DIP2C: variants seen among roughly 807,000 people sequenced by gnomAD.
The protein encoded by DIP2C is disco-interacting protein 2 homolog C.
DIP2C carries 33 observed loss-of-function variants against 192.4 expected under a neutral mutation model. The ratio of observed to expected loss-of-function variants is 0.17; its 90% CI spans 0.13 to 0.23. The LOEUF is 0.23. DIP2C is among the 10% of genes least tolerant of loss of function. The pLI is 1.00. For synonymous variants in DIP2C, 979 were observed against 864.1 expected (o/e 1.13, Z -2.33); for missense variants, 1,537 against 2,110.1 (o/e 0.73, Z 5.32).
intron 1 of DIP2C, among the ~76,000 whole-genome samples, chr10:647,316 G>A (rs540559528): frequency 1.1e-4 from 16 of 151,002 alleles, no homozygotes; most frequent in African/African-American, 3.2e-4. Context: ...ATTGGACGGC[G>A]GGAGAGAACA....
chr10:355,706 A>G (rs1175676758), intron 24 of DIP2C, among the ~76,000 whole-genome samples: 1 of 152,236 alleles, frequency 6.6e-6, no homozygotes, highest in East Asian at 1.9e-4. Context: ...TGTAAAGTGT[A>G]AACAGGAAAT....
intron 1 of DIP2C, among the ~76,000 whole-genome samples, chr10:618,142 G>A (rs752842068): frequency 3.9e-5 from 6 of 152,228 alleles, no homozygotes; most frequent in Middle Eastern, 3.2e-3. Context: ...ATCTTCAACA[G>A]TTTGATTCAA....
chr10:474,135 G>A (rs1057314416), intron 2 of DIP2C, among the ~76,000 whole-genome samples: 8 of 152,086 alleles, frequency 5.3e-5, no homozygotes, highest in African/African-American at 1.9e-4. Flanking sequence ...TGCATTTTAG[G>A]AAATCAAAGA....
At chr10:515,449 G>A (rs1176412785) in intron 1 of DIP2C, among the ~76,000 whole-genome samples, 3 of 152,184 alleles carry the variant, frequency 2.0e-5, no homozygotes, top group Non-Finnish European at 2.9e-5. Context: ...CGGGCCGGGT[G>A]CAGTGGCTCA....
rs1279058590 is a variant in DIP2C, at chr10:689,425, C to T, written c.85+69G>A. The T allele has an allele frequency of 6.4e-6, 6 of 944,508 alleles. No individual in the cohort carries two copies. The highest frequency in any genetic ancestry group is 7.6e-6 in the Non-Finnish European group (6 of 785,272). The allele number at this position is 944,508 out of a possible 1,614,324, so 58.5% of individuals were successfully genotyped here. On this transcript the variant is annotated intron_variant, in intron 1 of 36. Transcript: ENST00000280886. This position sits in a 1 kb window ranked among gnomAD's most constrained non-coding sequence, Gnocchi z 6.1. ...CCCCCGCCCCGCCGCAGGCCCCGCG[C>T]CCCCAGCCCTCCGCGCGCGGCCCTC... is the stretch of plus-strand genomic sequence containing the variant.
intron 1 of DIP2C, among the ~76,000 whole-genome samples, chr10:546,050 G>A (rs955371903): frequency 6.6e-6 from 1 of 152,160 alleles, no homozygotes; most frequent in South Asian, 2.1e-4. Context: ...GGGAGGCCAA[G>A]GCAGATGGGT....
chr10:640,105 C>G (rs1285697501), intron 1 of DIP2C, among the ~76,000 whole-genome samples: 7 of 152,148 alleles, frequency 4.6e-5, no homozygotes, highest in Non-Finnish European at 7.3e-5. Context: ...ATCTCCCATA[C>G]CCGCCACGCC....
chr10:290,559 G>C (rs1955439442), intron 32 of DIP2C, among the ~76,000 whole-genome samples: 1 of 152,236 alleles, frequency 6.6e-6, no homozygotes, highest in Non-Finnish European at 1.5e-5. Flanking sequence ...GTGCCAGGAG[G>C]CCCGCAGATG....
intron 24 of DIP2C, among the ~76,000 whole-genome samples, chr10:354,337 C>A (rs1958971361): frequency 6.6e-6 from 1 of 152,168 alleles, no homozygotes; most frequent in Admixed American, 6.5e-5. Flanking sequence ...ATGCAGGTGA[C>A]CACAGGTGTT....
rs1170126233 is a variant in DIP2C, at chr10:487,575, T to TG, written c.86-1046_86-1045insC. ...TCCGCCCATCAATGAGTGTTTTTTT[T>TG]TTTTTTTTTTTTTTTTTTTTTTGAG... is the stretch of plus-strand genomic sequence containing the variant. On this transcript the variant is annotated intron_variant, in intron 1 of 36. Transcript: ENST00000280886. 1.1e-4 allele frequency among the ~76,000 whole-genome samples: 14 copies of TG among 124,376 alleles called. 1 individual carries two copies. The East Asian group carries it at 3.1e-3, about 27-fold the overall frequency. 81.6% of individuals were successfully genotyped at this position (124,376 alleles called of 152,430 possible).
At position 662,462 on chromosome 10, in the gene DIP2C, T is replaced by A. The variant is rs191771759; in HGVS notation, c.85+27032A>T. The stretch of plus-strand genomic sequence containing the variant: ...TATTGGCGCACAGGCAGGCACAGGC[T>A]GCACCCCCACAGCTGGGCCCCGCGA... On this transcript the variant is annotated intron_variant, in intron 1 of 36. Transcript: ENST00000280886. Among the ~76,000 whole-genome samples, 5 of 152,352 alleles carry A rather than the reference T, an allele frequency of 3.3e-5. No individual in the cohort carries two copies. The East Asian group carries it at 9.6e-4, about 29-fold the overall frequency.
chr10:569,327 C>G (rs1257098533), intron 1 of DIP2C, among the ~76,000 whole-genome samples: 2 of 152,138 alleles, frequency 1.3e-5, no homozygotes, highest in African/African-American at 2.4e-5. Flanking sequence ...TTGAACAACC[C>G]TCAATGGAGA....
At chr10:554,711 C>T (rs1024899914) in intron 1 of DIP2C, among the ~76,000 whole-genome samples, 2 of 152,216 alleles carry the variant, frequency 1.3e-5, no homozygotes, top group Non-Finnish European at 2.9e-5. Flanking sequence ...CGCACAGATT[C>T]TGCACCCCAT....
intron 31 of DIP2C, among the ~76,000 whole-genome samples, chr10:318,767 C>T (rs11251692): frequency 0.14 from 20,810 of 152,198 alleles, 1,519 homozygotes; most frequent in East Asian, 0.2. Flanking sequence ...AAATCCCCAA[C>T]AGCACCTTAT....
chr10:281,479 G>A (rs566824084), intron 35 of DIP2C, among the ~76,000 whole-genome samples, 156 bp from the exon 36 acceptor site: 333 of 152,350 alleles, frequency 2.2e-3, no homozygotes, highest in African/African-American at 7.2e-3. Flanking sequence ...CTTCTGCCAC[G>A]GAGCTCCTTG....
In DIP2C at chr10:276,334, C is replaced by A. The variant is rs7916867; in HGVS notation, c.*991G>T. On this transcript the variant is annotated 3_prime_UTR_variant, in exon 37 of 37. Transcript: ENST00000280886. ...CTAGAAGAAACTTTTAGACAGGGCT[C>A]CTGCGGTCTGCGACTGCTGGCAACA... 0.019 allele frequency: 2,826 copies of A among 152,722 alleles called. 25 individuals carry two copies. The highest frequency in any genetic ancestry group is 0.027 in the Non-Finnish European group (1,848 of 68,026). 9.5% of individuals were successfully genotyped at this position (152,722 alleles called of 1,614,324 possible). A position where few individuals can be genotyped will look rare whatever the true frequency, so the allele number is the denominator to read the frequency against.
Position 348,571 on chromosome 10 carries a change from A to T in DIP2C, c.3231+70T>A. ...CAGCAGCTGCCCCAAGAGATGTCAG[A>T]GTCTGCGCGTTGCAAGCTCCACACT... On this transcript the variant is annotated intron_variant, in intron 26 of 36. Coordinates refer to ENST00000280886, the MANE Select transcript of DIP2C (RefSeq NM_014974.3). The T allele has an allele frequency of 2.5e-6, 4 of 1,568,892 alleles. No homozygotes were observed. In the South Asian group the frequency reaches 4.9e-5, roughly 19 times the overall value.
chr10:428,645 T>C (rs1966748319), intron 4 of DIP2C, among the ~76,000 whole-genome samples: 1 of 152,048 alleles, frequency 6.6e-6, no homozygotes, highest in African/African-American at 2.4e-5. Flanking sequence ...CTGCTTGGAG[T>C]TCACTGAACT....
At chr10:370,046 C>A in intron 17 of DIP2C, 1 of 985,428 alleles carries the variant, frequency 1.0e-6, no homozygotes, top group Non-Finnish European at 1.2e-6. Flanking sequence ...TGCATCCACT[C>A]CAAGAATGCA....
Sources: allele counts gnomAD v4.1 joint callset (sites outside exome capture counted in the v4.1 genomes callset), GRCh38; gene constraint gnomAD v4.1.1; non-coding constraint Gnocchi (gnomAD v3.1); transcripts MANE v1.5; gene names NCBI Gene and HGNC (gene_info 2026-07-23, HGNC 2026-07-21).